The following EMCN variants were observed in gnomAD, a reference collection of about 807,000 sequenced individuals.
EMCN encodes the protein endomucin, also known as MUC-14.
Under a neutral mutation model 38.4 loss-of-function variants are expected in EMCN, and 37 were observed. That is an observed-to-expected ratio of 0.96 (90% confidence interval 0.74 to 1.27). The LOEUF is 1.27. Among genes scored for constraint, EMCN ranks in the 50% most tolerant of loss-of-function variants. The pLI, the probability that EMCN is intolerant of heterozygous loss-of-function variation, is 0.00. For synonymous variants in EMCN, 95 were observed against 100.8 expected, an observed-to-expected ratio of 0.94 and a Z score of 0.35; for missense variants, 318 against 302.8, an observed-to-expected ratio of 1.05 and a Z score of -0.37.
At chr4:100,428,153 C>T (rs751863742) in intron 5 of EMCN, among the ~76,000 whole-genome samples, 4 of 152,064 alleles carry the variant, frequency 2.6e-5, no homozygotes, top group African/African-American at 9.7e-5. Flanking sequence ...GAGAAAAAGC[C>T]GAAGTCCATG....
intron 4 of EMCN, among the ~76,000 whole-genome samples, chr4:100,452,071 T>G (rs1727853380): frequency 6.6e-6 from 1 of 151,988 alleles, no homozygotes; most frequent in African/African-American, 2.4e-5. Flanking sequence ...TAACTTACTC[T>G]TGGCATGATT....
chr4:100,400,621 A>G (rs372186100), intron 11 of EMCN, among the ~76,000 whole-genome samples: 1 of 152,154 alleles, frequency 6.6e-6, no homozygotes, highest in African/African-American at 2.4e-5. Flanking sequence ...TTTTTGTTCA[A>G]CTGAGCCATA....
chr4:100,501,456 C>T (rs1041824844), intron 1 of EMCN, among the ~76,000 whole-genome samples: 5 of 152,124 alleles, frequency 3.3e-5, no homozygotes, highest in Non-Finnish European at 5.9e-5. Flanking sequence ...ACCAATTTGA[C>T]TGTTCTAATT....
intron 1 of EMCN, among the ~76,000 whole-genome samples, chr4:100,516,236 T>C (rs1190147228): frequency 1.3e-5 from 2 of 152,120 alleles, no homozygotes; most frequent in Non-Finnish European, 2.9e-5. Flanking sequence ...AGTACATCTC[T>C]GGATTGTCCT....
intron 2 of EMCN, 128 bp downstream of exon 2, chr4:100,479,789 G>A (rs1434149405): frequency 2.0e-5 from 15 of 742,020 alleles, no homozygotes; most frequent in Middle Eastern, 8.1e-4. Flanking sequence ...TTTCAAAATC[G>A]TGAAATAGCA....
chr4:100,436,945 C>T (rs114999072), intron 5 of EMCN, among the ~76,000 whole-genome samples: 11,564 of 152,092 alleles, frequency 0.076, 592 homozygotes, highest in Middle Eastern at 0.12. Flanking sequence ...TGATGGGATG[C>T]TCTATGCAGC....
rs374890844 is a variant in EMCN, at chr4:100,460,022, A to G, written c.376+5401T>C. ...CCATACAGTTTTCCACAATGGCTAC[A>G]CTATTTTATATTTCCATCAACAGTA... On this transcript the variant is annotated intron_variant, in intron 4 of 11. Transcript: ENST00000296420. Among the ~76,000 whole-genome samples the G allele has an allele frequency of 1.6e-4, 25 of 152,332 alleles. 1 individual carries two copies. In the South Asian group the frequency reaches 2.7e-3, roughly 16 times the overall value.
intron 1 of EMCN, among the ~76,000 whole-genome samples, chr4:100,513,929 T>C (rs1729690856): frequency 1.3e-5 from 2 of 152,128 alleles, no homozygotes; most frequent in Non-Finnish European, 2.9e-5. Context: ...CTTATAATCT[T>C]GTAGAGAAAT....
intron 1 of EMCN, among the ~76,000 whole-genome samples, chr4:100,492,019 A>G (rs1729094648): frequency 6.6e-6 from 1 of 152,252 alleles, no homozygotes; most frequent in African/African-American, 2.4e-5. Context: ...TGACACCTCC[A>G]AAAGAAACTA....
chr4:100,396,540 C>CTTTTTTTTTT lies in EMCN; in HGVS notation c.*1863_*1872dup, dbSNP rs71594584. The CTTTTTTTTTT allele has an allele frequency of 3.0e-5, 3 of 99,616 alleles. No individual in the cohort carries two copies. Among genetic ancestry groups the CTTTTTTTTTT allele is most frequent in the African/African-American group, 4.1e-5 (1 of 24,536 alleles). 6.2% of individuals were successfully genotyped at this position (99,616 alleles called of 1,614,324 possible). ...GGACTTTCTTTCTTTCTTTTTTTTC[C>CTTTTTTTTTT]TTTTTTTTTTTTTTTTTTTTGAGAC... On this transcript the variant is annotated 3_prime_UTR_variant, in exon 12 of 12. Transcript: ENST00000296420.
chr4:100,423,770 G>A (rs1031292678), intron 5 of EMCN, among the ~76,000 whole-genome samples: 2 of 151,828 alleles, frequency 1.3e-5, no homozygotes, highest in African/African-American at 4.8e-5. Flanking sequence ...GGGTGATAGT[G>A]TTTTTTTTCT....
chr4:100,511,035 G>A (rs888423937), intron 1 of EMCN, among the ~76,000 whole-genome samples: 3 of 152,164 alleles, frequency 2.0e-5, no homozygotes, highest in African/African-American at 7.2e-5. Flanking sequence ...TGGCATTATA[G>A]TCTTAGTTGT....
intron 6 of EMCN, 98 bp from the exon 7 acceptor site, chr4:100,423,178 G>T: frequency 7.3e-7 from 1 of 1,368,336 alleles, no homozygotes; most frequent in Non-Finnish European, 1.0e-6. Context: ...ATGATTTGTA[G>T]GTATGATGCT....
chr4:100,500,496 C>T (rs938981104), intron 1 of EMCN, among the ~76,000 whole-genome samples: 3 of 152,008 alleles, frequency 2.0e-5, no homozygotes, highest in African/African-American at 4.8e-5. Flanking sequence ...GGACTGTAAA[C>T]GTATCAGTTA....
intron 1 of EMCN, among the ~76,000 whole-genome samples, chr4:100,493,291 T>C (rs1056635824): frequency 6.6e-6 from 1 of 152,156 alleles, no homozygotes; most frequent in African/African-American, 2.4e-5. Flanking sequence ...AAATTATACT[T>C]ATTATTCTCT....
chr4:100,515,626 G>A (rs994944965), intron 1 of EMCN, among the ~76,000 whole-genome samples: 1 of 152,052 alleles, frequency 6.6e-6, no homozygotes, highest in Non-Finnish European at 1.5e-5. Flanking sequence ...GCATGGATCT[G>A]CTTGACAGCT....
chr4:100,421,794 T>C (rs1269301512), intron 7 of EMCN, among the ~76,000 whole-genome samples: 1 of 152,064 alleles, frequency 6.6e-6, no homozygotes, highest in Non-Finnish European at 1.5e-5. Context: ...ATGCTGGCTT[T>C]CTAAAACACT....
At chr4:100,446,691 T>C (rs184548901) in intron 5 of EMCN, among the ~76,000 whole-genome samples, 34 of 152,206 alleles carry the variant, frequency 2.2e-4, no homozygotes, top group Non-Finnish European at 4.3e-4. Context: ...ATCACCCAGG[T>C]ATTAAGCCTA....
At position 100,479,931 on chromosome 4, in the gene EMCN, C is replaced by G. The variant is rs141378250; in HGVS notation, c.173G>C (p.Gly58Ala). 4.1e-5 allele frequency: 66 copies of G among 1,607,118 alleles called. No homozygotes were observed. The highest frequency in any genetic ancestry group is 5.4e-5 in the African/African-American group (4 of 74,404). ...GTTAATCCTACCTTTAGGAGTTGTT[C>G]CAGTTGTTGGTGTGACAACATTTTT... The part of the protein sequence containing the change: ...LQKNVVTPTT[G>A]TTPKGTITNE... The change falls in exon 2 of 12, where the codon GGA becomes GCA. Residue 58 changes from glycine to alanine, a missense_variant. Physicochemically the swap from Gly to Ala is moderately conservative, Grantham distance 60. Transcript: ENST00000296420.
Sources: gnomAD v4.1 joint callset for allele counts (sites outside exome capture counted in the v4.1 genomes callset) on GRCh38, gnomAD v4.1.1 for gene constraint, MANE v1.5 for transcripts, NCBI Gene and HGNC (gene_info 2026-07-23, HGNC 2026-07-21) for gene names.